The following ZNF433 variants were observed in gnomAD, a reference collection of about 807,000 sequenced individuals.
ZNF433 encodes the protein zinc finger protein 433.
In ZNF433, 12 loss-of-function variants were observed where a neutral mutation model predicts 10.6. The observed-to-expected ratio is 1.13, with a 90% CI of 0.72 to 1.83. The LOEUF is 1.83. ZNF433 is among the 40% of genes most tolerant of loss of function. The pLI is 0.00. For synonymous variants in ZNF433, 272 were observed against 271.3 expected (o/e 1.00, Z -0.02); for missense variants, 737 against 798.0 (o/e 0.92, Z 0.92).
At chr19:12,021,694 T>C (rs954743474) in intron 1 of ZNF433, among the ~76,000 whole-genome samples, 2 of 152,142 alleles carry the variant, frequency 1.3e-5, no homozygotes, top group African/African-American at 4.8e-5. Flanking sequence ...CAATCTCTCT[T>C]TATAAGAGAT....
At chr19:12,026,332 C>T (rs1324879659) in intron 1 of ZNF433, 5 of 234,866 alleles carry the variant, frequency 2.1e-5, no homozygotes, top group Non-Finnish European at 3.4e-5. Context: ...GAGGAGGACC[C>T]CAACTGTCAC....
chr19:12,030,481 A>G lies in ZNF433; in HGVS notation c.3+5056T>C, dbSNP rs555298590. Among the ~76,000 whole-genome samples the G allele has an allele frequency of 6.6e-5, 10 of 152,202 alleles. No individual in the cohort carries two copies. The East Asian group carries it at 1.8e-3, about 27-fold the overall frequency. On this transcript the variant is annotated intron_variant, in intron 1 of 3. Transcript: ENST00000550507. ...GTGATCCACCTGCCTCAGCCTCCCAAAGTGCTGGGATTACAGGCGTGAGCC... is the reference window on the plus strand; with the variant it reads ...GTGATCCACCTGCCTCAGCCTCCCAGAGTGCTGGGATTACAGGCGTGAGCC...
intron 1 of ZNF433, chr19:12,024,720 C>G (rs1450264753): frequency 6.6e-6 from 1 of 152,210 alleles, no homozygotes; most frequent in Non-Finnish European, 1.5e-5. Context: ...CAGCATTCAC[C>G]TACTGGTGTT....
chr19:12,026,397 A>C (rs564561228), intron 1 of ZNF433: 6 of 299,392 alleles, frequency 2.0e-5, no homozygotes, highest in South Asian at 1.4e-4. Context: ...GCAGAGAAAA[A>C]CCTGAGAAAA....
Position 12,014,975 on chromosome 19 carries a change from G to C in ZNF433, c.1883C>G (p.Ser628Ter). The C allele has an allele frequency of 6.2e-7, 1 of 1,613,410 alleles. No homozygotes were observed. Among genetic ancestry groups the C allele is most frequent in the Non-Finnish European group, 8.5e-7 (1 of 1,179,808 alleles). The stretch of plus-strand genomic sequence containing the variant: ...AGTCCTTCCATGCCTTCGAAGGTTT[G>C]AGGGACATCCAAAAGCTTTCCCACA... ...KQCGKAFGCP[S>*]NLRRHGRTHT... Residue 628 changes from serine to a stop codon, truncating the protein, a stop_gained, in exon 4 of 4, where the codon TCA becomes TGA. Transcript: ENST00000550507. LOFTEE classifies it low-confidence loss of function (END_TRUNC).
chr19:12,019,968 T>A (rs1376182736), intron 1 of ZNF433, among the ~76,000 whole-genome samples: 1 of 152,170 alleles, frequency 6.6e-6, no homozygotes, highest in Non-Finnish European at 1.5e-5. Flanking sequence ...AACTAATTGA[T>A]ATTGATTAAA....
intron 1 of ZNF433, among the ~76,000 whole-genome samples, chr19:12,020,422 A>T (rs149118240): frequency 2.0e-5 from 3 of 152,168 alleles, no homozygotes; most frequent in Non-Finnish European, 4.4e-5. Flanking sequence ...GTTATTGAGC[A>T]CTTTCTCTCA....
chr19:12,035,530 C>G lies in ZNF433; in HGVS notation c.3+7G>C, dbSNP rs376722663. On this transcript the variant is annotated splice_region_variant and intron_variant, in intron 1 of 3. Coordinates refer to ENST00000550507, the MANE Select transcript of ZNF433 (RefSeq NM_001308348.2). ...CCCGCCTCGGGACCCCTGGCCCGCA[C>G]GCTCACCATTTCTTGCCTTTCAGGT... 1 of 1,573,120 alleles carries G rather than the reference C, an allele frequency of 6.4e-7. No homozygotes were observed. Among genetic ancestry groups the G allele is most frequent in the Non-Finnish European group, 8.6e-7 (1 of 1,159,422 alleles).
Position 12,015,950 on chromosome 19 carries a change from C to T in ZNF433, c.908G>A (p.Gly303Glu). 2 of 1,614,152 alleles carry T rather than the reference C, an allele frequency of 1.2e-6. No homozygotes were observed. The highest frequency in any genetic ancestry group is 1.7e-6 in the Non-Finnish European group (2 of 1,180,016). Residue 303 changes from glycine (G) to glutamate (E), a missense_variant, in exon 4 of 4, where the codon GGG (glycine) becomes GAG (glutamate). Physicochemically the swap from Gly to Glu is moderately conservative, Grantham distance 98 (BLOSUM62 -2). Coordinates refer to ENST00000550507, the MANE Select transcript of ZNF433 (RefSeq NM_001308348.2). ...TTCCTTACATTCATATGGCTTCTCC[C>T]CCGTGTGAGTTCTTTCATGTATTTG... Reference protein sequence around the residue: ...SFQIHERTHTGEKPYECKECG... With the variant: ...SFQIHERTHTEEKPYECKECG...
At chr19:12,020,129 G>A (rs376165647) in intron 1 of ZNF433, among the ~76,000 whole-genome samples, 31 of 152,132 alleles carry the variant, frequency 2.0e-4, no homozygotes, top group East Asian at 1.2e-3. Context: ...AAAATTAGCC[G>A]GGCATGATGG....
intron 3 of ZNF433, among the ~76,000 whole-genome samples, chr19:12,017,291 C>G (rs756214408): frequency 3.9e-5 from 6 of 152,120 alleles, no homozygotes; most frequent in Non-Finnish European, 7.4e-5. Flanking sequence ...CAACCTCCCC[C>G]TCCTGGGTTC....
Position 12,015,825 on chromosome 19 carries a change from A to G in ZNF433, c.1033T>C (p.Ser345Pro), listed in dbSNP as rs749923354. 18 of 1,614,036 alleles carry G rather than the reference A, an allele frequency of 1.1e-5. No homozygotes were observed. The South Asian group carries it at 1.3e-4, about 12-fold the overall frequency. ...YECKHCGKVL[S>P]YLTSFQNHLG... is the part of the protein sequence containing the mutation. ...TGGTTTTGAAAGCTGGTAAGATAAG[A>G]TAATACTTTCCCACAATGTTTACAT... The change falls in exon 4 of 4, where the codon TCT becomes CCT. Residue 345 changes from serine to proline, a missense_variant. Ser to Pro is a moderately conservative substitution (Grantham distance 74). Transcript: ENST00000550507.
chr19:12,025,679 T>A (rs1294343058), intron 1 of ZNF433: 1 of 152,218 alleles, frequency 6.6e-6, no homozygotes, highest in Non-Finnish European at 1.5e-5. Context: ...CTTATGTACA[T>A]GTATGTGTGG....
chr19:12,034,367 G>A (rs1003816693), intron 1 of ZNF433, among the ~76,000 whole-genome samples: 1 of 152,166 alleles, frequency 6.6e-6, no homozygotes, highest in African/African-American at 2.4e-5. Flanking sequence ...ACCTGACACT[G>A]GAAAGAGCCA....
intron 1 of ZNF433, among the ~76,000 whole-genome samples, chr19:12,031,106 G>A (rs1272932135): frequency 6.6e-6 from 1 of 151,210 alleles, no homozygotes; most frequent in Non-Finnish European, 1.5e-5. Context: ...GACCATTCTG[G>A]CCAACACGGT....
rs534920552 is a variant in ZNF433, at chr19:12,033,101, T to C, written c.3+2436A>G. Among the ~76,000 whole-genome samples the C allele has an allele frequency of 1.1e-3, 161 of 151,794 alleles. 3 individuals carry two copies. The South Asian group carries it at 0.012, about 12-fold the overall frequency. ...CCAAGTGCATTTCCTTTTTTTTTTT[T>C]CCCCTCTCTTGAGACAGAGTCTCAC... On this transcript the variant is annotated intron_variant, in intron 1 of 3. Coordinates refer to ENST00000550507, the MANE Select transcript of ZNF433 (RefSeq NM_001308348.2).
chr19:12,032,202 T>C (rs1011590876), intron 1 of ZNF433, among the ~76,000 whole-genome samples: 2 of 152,142 alleles, frequency 1.3e-5, no homozygotes, highest in African/African-American at 2.4e-5. Flanking sequence ...CCTCCCAAAG[T>C]GTTGGGATTA....
intron 3 of ZNF433, among the ~76,000 whole-genome samples, chr19:12,017,360 G>T (rs1390107525): frequency 6.6e-6 from 1 of 151,610 alleles, no homozygotes; most frequent in Non-Finnish European, 1.5e-5. Flanking sequence ...CCACCACGAT[G>T]CCTGGCTAAT....
At chr19:12,017,991 T>C in intron 2 of ZNF433, 55 bp from the exon 3 acceptor site, 1 of 1,390,130 alleles carries the variant, frequency 7.2e-7, no homozygotes, top group Middle Eastern at 2.4e-4. Flanking sequence ...TATTAAAAAA[T>C]TACATGATTC....
Sources: gnomAD v4.1 joint callset for allele counts (sites outside exome capture counted in the v4.1 genomes callset) on GRCh38, gnomAD v4.1.1 for gene constraint, MANE v1.5 for transcripts, NCBI Gene and HGNC (gene_info 2026-07-23, HGNC 2026-07-21) for gene names.